The following ENTREP2 variants were observed in gnomAD, a reference collection of about 807,000 sequenced individuals.
The protein encoded by ENTREP2 is endosomal transmembrane epsin interactor 2, also known as protein ENTREP2.
the ENTREP2 span, among the ~76,000 whole-genome samples, chr15:29,561,693 TATAATA>T: frequency 6.8e-6 from 1 of 147,656 alleles, no homozygotes; most frequent in African/African-American, 2.5e-5. Flanking sequence ...ATCTCAAAAT[TATAATA>T]ATAATAATAA....
At chr15:29,657,869 T>C in the ENTREP2 span, among the ~76,000 whole-genome samples, 72 of 152,208 alleles carry the variant, frequency 4.7e-4, no homozygotes, top group African/African-American at 1.2e-3. Flanking sequence ...TGTATGTATA[T>C]ATACATATAT....
chr15:29,599,397 A>C, the ENTREP2 span, among the ~76,000 whole-genome samples: 5 of 151,690 alleles, frequency 3.3e-5, no homozygotes, highest in African/African-American at 1.2e-4. Context: ...GTTCCCTAGA[A>C]CTCCCTTGGT....
the ENTREP2 span, among the ~76,000 whole-genome samples, chr15:29,387,165 T>C: frequency 6.6e-6 from 1 of 152,210 alleles, no homozygotes; most frequent in Non-Finnish European, 1.5e-5. Context: ...TATTTTGAGA[T>C]ACATCACATC....
chr15:29,258,227 AAAAAAAGAAAGAAAG>A, the ENTREP2 span, among the ~76,000 whole-genome samples: 1 of 62,346 alleles, frequency 1.6e-5, no homozygotes, highest in South Asian at 3.5e-4. Context: ...AAAAAAAAAA[AAAAAAAGAAAGAAAG>A]AAAAAAGAAA....
the ENTREP2 span, among the ~76,000 whole-genome samples, chr15:29,210,860 T>G: frequency 6.6e-6 from 1 of 152,198 alleles, no homozygotes; most frequent in Non-Finnish European, 1.5e-5. Flanking sequence ...AGGTACCTTT[T>G]AAGATAGGCT....
At chr15:29,358,492 T>C in the ENTREP2 span, among the ~76,000 whole-genome samples, 2 of 152,224 alleles carry the variant, frequency 1.3e-5, no homozygotes, top group African/African-American at 4.8e-5. Context: ...AGGAGGGTCC[T>C]GGAGTGGGCA....
the ENTREP2 span, among the ~76,000 whole-genome samples, chr15:29,674,134 G>C: frequency 8.7e-5 from 13 of 149,816 alleles, 2 homozygotes; most frequent in African/African-American, 2.5e-4. Flanking sequence ...AGGATGGGGG[G>C]GGGGGGGGGC....
At chr15:29,634,456 A>G in the ENTREP2 span, among the ~76,000 whole-genome samples, 1 of 152,128 alleles carries the variant, frequency 6.6e-6, no homozygotes, top group African/African-American at 2.4e-5. Context: ...ACTCCCATAA[A>G]ACCCAAAATG....
chr15:29,194,295 CA>C, the ENTREP2 span, among the ~76,000 whole-genome samples: 1 of 152,222 alleles, frequency 6.6e-6, no homozygotes, highest in African/African-American at 2.4e-5. Flanking sequence ...AGGTGGGGGA[CA>C]GGGGCAGGCT....
the ENTREP2 span, among the ~76,000 whole-genome samples, chr15:29,582,808 C>T: frequency 7.2e-5 from 11 of 152,012 alleles, no homozygotes; most frequent in African/African-American, 1.4e-4. Context: ...GGCGCCACCA[C>T]GCCTGGCTGA....
chr15:29,479,684 TAC>T, the ENTREP2 span, among the ~76,000 whole-genome samples: 1,294 of 147,944 alleles, frequency 8.7e-3, 10 homozygotes, highest in African/African-American at 0.027. Flanking sequence ...CACACATACA[TAC>T]ACACACACAC....
At chr15:29,378,244 TGCC>T in the ENTREP2 span, among the ~76,000 whole-genome samples, 2 of 152,094 alleles carry the variant, frequency 1.3e-5, no homozygotes, top group Non-Finnish European at 2.9e-5. Flanking sequence ...AACCTACTCT[TGCC>T]AGGACTGTTG....
the ENTREP2 span, among the ~76,000 whole-genome samples, chr15:29,621,164 C>T: frequency 2.2e-4 from 33 of 150,810 alleles, no homozygotes; most frequent in African/African-American, 7.1e-4. Flanking sequence ...CCGAGGCAGG[C>T]GGATCACAAG....
chr15:29,301,857 G>A, the ENTREP2 span, among the ~76,000 whole-genome samples: 6 of 152,296 alleles, frequency 3.9e-5, no homozygotes, highest in East Asian at 3.9e-4. Flanking sequence ...AGGACACAGC[G>A]AGGAGGTACC....
At chr15:29,189,370 G>A in the ENTREP2 span, among the ~76,000 whole-genome samples, 5 of 151,926 alleles carry the variant, frequency 3.3e-5, no homozygotes, top group Admixed American at 2.6e-4. Context: ...CAGAAGTCTC[G>A]TGCTGAGTGG....
chr15:29,176,286 G>A, the ENTREP2 span, among the ~76,000 whole-genome samples: 2 of 152,114 alleles, frequency 1.3e-5, no homozygotes, highest in Non-Finnish European at 2.9e-5. Flanking sequence ...TGAGTGGTGG[G>A]GGGGCACATT....
At chr15:29,661,058 CA>C in the ENTREP2 span, among the ~76,000 whole-genome samples, 22 of 140,496 alleles carry the variant, frequency 1.6e-4, no homozygotes, top group African/African-American at 6.0e-4. Flanking sequence ...GTAATTACAG[CA>C]TTTTTTTGCT....
the ENTREP2 span, chr15:29,124,768 CAGA>C: frequency 1.9e-6 from 3 of 1,550,156 alleles, no homozygotes; most frequent in Non-Finnish European, 2.6e-6. Flanking sequence ...TCGCCTTAAC[CAGA>C]AGGAGAATTC....
the ENTREP2 span, among the ~76,000 whole-genome samples, chr15:29,442,000 T>A: frequency 1.3e-5 from 2 of 152,138 alleles, no homozygotes; most frequent in African/African-American, 2.4e-5. Context: ...ACCAACCCAG[T>A]TCTCTCTCCA....
Sources: allele counts gnomAD v4.1 joint callset (sites outside exome capture counted in the v4.1 genomes callset), GRCh38; gene constraint gnomAD v4.1.1; transcripts MANE v1.5; gene names NCBI Gene and HGNC (gene_info 2026-07-23, HGNC 2026-07-21).